BBS9: variants seen among roughly 807,000 people sequenced by gnomAD.
The protein encoded by BBS9 is Bardet-Biedl syndrome 9, also known as protein PTHB1.
In BBS9, 89 loss-of-function variants were observed where a neutral mutation model predicts 117.7. The observed-to-expected ratio is 0.76, with a 90% CI of 0.64 to 0.90. BBS9 has a LOEUF of 0.90. Ranked by LOEUF, BBS9 falls within the 40% of genes least tolerant of loss-of-function variation. BBS9 has a pLI of 0.00. For synonymous variants in BBS9, 379 were observed against 370.9 expected (o/e 1.02, Z -0.25); for missense variants, 982 against 1,042.2 (o/e 0.94, Z 0.80).
intron 19 of BBS9, among the ~76,000 whole-genome samples, chr7:33,467,060 A>C (rs1163905077): frequency 6.6e-6 from 1 of 151,972 alleles, no homozygotes; most frequent in Non-Finnish European, 1.5e-5. Context: ...TTACTATGAC[A>C]ACTGAATAAC....
At chr7:33,428,829 A>G (rs75677323) in intron 19 of BBS9, among the ~76,000 whole-genome samples, 1,611 of 152,252 alleles carry the variant, frequency 0.011, 9 homozygotes, top group Non-Finnish European at 0.017. Context: ...CTACTATGGT[A>G]GTTTTGCATT....
chr7:33,225,214 T>C (rs1005963287), intron 5 of BBS9, among the ~76,000 whole-genome samples: 1 of 152,190 alleles, frequency 6.6e-6, no homozygotes, highest in African/African-American at 2.4e-5. Context: ...TATTTATTTT[T>C]TGAGACAAGG....
chr7:33,402,455 A>G (rs1258689930), intron 19 of BBS9, among the ~76,000 whole-genome samples: 2 of 152,142 alleles, frequency 1.3e-5, no homozygotes, highest in Non-Finnish European at 2.9e-5. Flanking sequence ...CCACAATCCA[A>G]TTTTAAACAT....
chr7:33,411,011 G>GTTTTTTTTTTTTTTTTTTTTTTTTTTTT (rs765425062), intron 19 of BBS9, among the ~76,000 whole-genome samples: 1 of 96,424 alleles, frequency 1.0e-5, no homozygotes, highest in Non-Finnish European at 2.2e-5. Context: ...AAATGTTGGT[G>GTTTTTTTTTTTTTTTTTTTTTTTTTTTT]TTTTTTTTTT....
chr7:33,200,444 A>G lies in BBS9; in HGVS notation c.442+22853A>G, dbSNP rs181538427. Among the ~76,000 whole-genome samples the G allele has an allele frequency of 1.2e-3, 186 of 152,286 alleles. 2 individuals carry two copies. The Middle Eastern group carries it at 0.041, about 33-fold the overall frequency. On this transcript the variant is annotated intron_variant, in intron 5 of 22. Transcript: ENST00000242067. ...CTTCTCATGATTCTAAAAGTTAAAC[A>G]CATACTTTGTTTGAATTATGTAAAT...
At position 33,257,222 on chromosome 7, in the gene BBS9, TA is replaced by T; in HGVS notation, c.443-12del. 1 of 1,577,576 alleles carries T rather than the reference TA, an allele frequency of 6.3e-7. No homozygotes were observed. The highest frequency in any genetic ancestry group is 8.7e-7 in the Non-Finnish European group (1 of 1,150,320). On this transcript the variant is annotated splice_polypyrimidine_tract_variant and intron_variant, in intron 5 of 22. Transcript: ENST00000242067. Reference sequence around the variant, plus strand: ...AAAGAATAGATTATCTAATTTTCTCTAATTCTTCTTTAGGTCGAGATTTAAT... The same window carrying T: ...AAAGAATAGATTATCTAATTTTCTCTATTCTTCTTTAGGTCGAGATTTAAT...
At chr7:33,522,410 T>C (rs1249746232) in intron 20 of BBS9, among the ~76,000 whole-genome samples, 1 of 150,698 alleles carries the variant, frequency 6.6e-6, no homozygotes, top group Non-Finnish European at 1.5e-5. Context: ...CAGCACCTGT[T>C]GTTTCCTGAC....
chr7:33,409,407 A>T (rs1165423598), intron 19 of BBS9, among the ~76,000 whole-genome samples: 1 of 152,214 alleles, frequency 6.6e-6, no homozygotes, highest in Admixed American at 6.5e-5. Context: ...CATTCATTGA[A>T]TAGGGAGTCT....
intron 5 of BBS9, among the ~76,000 whole-genome samples, chr7:33,241,181 C>A (rs1794463023): frequency 6.6e-6 from 1 of 152,048 alleles, no homozygotes; most frequent in African/African-American, 2.4e-5. Flanking sequence ...TGAATGAAAT[C>A]TTTGTTTTAT....
At chr7:33,368,851 A>C (rs1563074852) in intron 17 of BBS9, among the ~76,000 whole-genome samples, 1 of 152,134 alleles carries the variant, frequency 6.6e-6, no homozygotes, top group Non-Finnish European at 1.5e-5. Context: ...AAATCATAAT[A>C]GTTTCTGGAA....
chr7:33,558,594 T>A (rs1293381848), intron 21 of BBS9, among the ~76,000 whole-genome samples: 2 of 152,132 alleles, frequency 1.3e-5, no homozygotes, highest in Non-Finnish European at 2.9e-5. Flanking sequence ...TTATTAGAAA[T>A]GAAAATTCTT....
Position 33,358,274 on chromosome 7 carries a change from AT to A in BBS9, c.1693+286del, listed in dbSNP as rs538885382. 7.2e-5 allele frequency among the ~76,000 whole-genome samples: 11 copies of A among 151,744 alleles called. No homozygotes were observed. The South Asian group carries it at 2.3e-3, about 31-fold the overall frequency. On this transcript the variant is annotated intron_variant, in intron 16 of 22. Coordinates refer to ENST00000242067, the MANE Select transcript of BBS9 (RefSeq NM_198428.3). ...AATCAAGTGTTTCTCTTTAGACTGA[AT>A]TTTTTTGGCTTGGAATGTAAATATT...
At chr7:33,463,038 T>C (rs931518325) in intron 19 of BBS9, among the ~76,000 whole-genome samples, 1 of 152,098 alleles carries the variant, frequency 6.6e-6, no homozygotes, top group Non-Finnish European at 1.5e-5. Flanking sequence ...TGTGCTCAGC[T>C]AAATAGATCT....
At chr7:33,332,955 C>A (rs954962204) in intron 9 of BBS9, among the ~76,000 whole-genome samples, 8 of 152,238 alleles carry the variant, frequency 5.3e-5, no homozygotes, top group Admixed American at 5.2e-4. Flanking sequence ...CTATCCATCT[C>A]CAGAACTTTT....
chr7:33,353,282 A>C (rs1364999208), intron 15 of BBS9, among the ~76,000 whole-genome samples: 1 of 152,032 alleles, frequency 6.6e-6, no homozygotes, highest in Non-Finnish European at 1.5e-5. Context: ...CAAGAGATTC[A>C]CCTCTCTGTG....
intron 20 of BBS9, among the ~76,000 whole-genome samples, chr7:33,527,631 A>T (rs146744111): frequency 0.02 from 2,992 of 152,168 alleles, 40 homozygotes; most frequent in Middle Eastern, 0.048. Flanking sequence ...ACACCCACTG[A>T]CCTGCGCCCA....
intron 19 of BBS9, among the ~76,000 whole-genome samples, chr7:33,445,675 A>T (rs914384538): frequency 2.0e-5 from 3 of 152,122 alleles, no homozygotes; most frequent in Admixed American, 6.5e-5. Flanking sequence ...CCCAAATCTC[A>T]TCTTGAATTG....
intron 19 of BBS9, among the ~76,000 whole-genome samples, chr7:33,454,640 A>C (rs1335904938): frequency 6.6e-6 from 1 of 152,194 alleles, no homozygotes; most frequent in Non-Finnish European, 1.5e-5. Context: ...TCATTTCGAG[A>C]CCTGGGGTCA....
chr7:33,534,118 A>G lies in BBS9; in HGVS notation c.2463A>G (p.Lys821=), dbSNP rs762349740. 3 of 1,614,234 alleles carry G rather than the reference A, an allele frequency of 1.9e-6. No individual in the cohort carries two copies. Among genetic ancestry groups the G allele is most frequent in the Non-Finnish European group, 2.5e-6 (3 of 1,180,052 alleles). ...HITLLCDRLS[K]GGRLCLSTDA... ...CCTTGCTCTGCGATAGATTATCCAA[A>G]GGTGGCCGTCTCTGCCTAAGTACCG... is the stretch of plus-strand genomic sequence containing the variant. Residue 821 remains lysine (K), a synonymous_variant, in exon 21 of 23, where the codon AAA becomes AAG. Coordinates refer to ENST00000242067, the MANE Select transcript of BBS9 (RefSeq NM_198428.3).
Sources: allele counts gnomAD v4.1 joint callset (sites outside exome capture counted in the v4.1 genomes callset), GRCh38; gene constraint gnomAD v4.1.1; transcripts MANE v1.5; gene names NCBI Gene and HGNC (gene_info 2026-07-23, HGNC 2026-07-21).